The following NDST4 variants were observed in gnomAD, a reference collection of about 807,000 sequenced individuals.
NDST4 encodes the protein N-deacetylase and N-sulfotransferase 4, also known as N-heparan sulfate sulfotransferase 4.
In NDST4, 63 loss-of-function variants were observed where a neutral mutation model predicts 100.8. The ratio of observed to expected loss-of-function variants is 0.62; its 90% CI spans 0.51 to 0.77. NDST4 has a LOEUF of 0.77. Ranked by LOEUF, NDST4 falls within the 30% of genes least tolerant of loss-of-function variation. The pLI, the probability that NDST4 is intolerant of heterozygous loss-of-function variation, is 0.00. For missense variants in NDST4, 943 were observed against 1,018.4 expected (o/e 0.93, Z 1.01); for synonymous variants, 377 against 361.8 (o/e 1.04, Z -0.48).
intron 4 of NDST4, among the ~76,000 whole-genome samples, chr4:114,941,629 GT>G (rs756138347): frequency 2.9e-4 from 44 of 152,166 alleles, no homozygotes; most frequent in African/African-American, 1.0e-3. Context: ...AAATAAGCAA[GT>G]TTTTTTCTAG....
intron 2 of NDST4, among the ~76,000 whole-genome samples, chr4:114,991,721 T>G (rs1195895354): frequency 2.0e-5 from 3 of 152,014 alleles, no homozygotes; most frequent in Non-Finnish European, 4.4e-5. Context: ...ATTAACAGAC[T>G]TAGGCACAAA....
chr4:114,896,046 C>A (rs1724706724), intron 6 of NDST4, among the ~76,000 whole-genome samples: 1 of 152,040 alleles, frequency 6.6e-6, no homozygotes, highest in Non-Finnish European at 1.5e-5. Context: ...GAATGTGATT[C>A]TAATACAAAA....
rs1578504851 is a variant in NDST4, at chr4:115,077,173, G to A, written c.-137C>T. ...CGCAAATCATGTAAAATGTTTGAAG[G>A]GAGCACAACTGAGTTAAAGCTGGAA... is the stretch of plus-strand genomic sequence containing the variant. On this transcript the variant is annotated 5_prime_UTR_variant, in exon 2 of 14. Transcript: ENST00000264363. 2.4e-6 allele frequency: 2 copies of A among 818,824 alleles called. No homozygotes were observed. The highest frequency in any genetic ancestry group is 5.4e-5 in the East Asian group (2 of 36,868). The allele number at this position is 818,824 out of a possible 1,614,324, so 50.7% of individuals were successfully genotyped here.
intron 6 of NDST4, among the ~76,000 whole-genome samples, chr4:114,929,109 CATCCATCTATCT>C (rs1291648414): frequency 0.045 from 4,806 of 107,982 alleles, 80 homozygotes; most frequent in Non-Finnish European, 0.06. Context: ...TCCATCCATC[CATCCATCTATCT>C]ATCTATCTAT....
At chr4:115,079,928 A>G (rs1729266586) in intron 1 of NDST4, among the ~76,000 whole-genome samples, 1 of 152,130 alleles carries the variant, frequency 6.6e-6, no homozygotes, top group South Asian at 2.1e-4. Context: ...TAACTTTTAA[A>G]CTTTTTCAAA....
chr4:115,106,482 A>C (rs1382858950), intron 1 of NDST4, among the ~76,000 whole-genome samples: 1 of 152,074 alleles, frequency 6.6e-6, no homozygotes, highest in African/African-American at 2.4e-5. Flanking sequence ...CCCTGTATAA[A>C]ATCGCATAGT....
At chr4:114,973,072 C>T (rs1289802730) in intron 3 of NDST4, among the ~76,000 whole-genome samples, 2 of 151,932 alleles carry the variant, frequency 1.3e-5, no homozygotes, top group Non-Finnish European at 2.9e-5. Flanking sequence ...ACACTGGAAA[C>T]AGCTTAATAA....
At chr4:115,041,291 A>G (rs1728346872) in intron 2 of NDST4, among the ~76,000 whole-genome samples, 1 of 152,102 alleles carries the variant, frequency 6.6e-6, no homozygotes, top group East Asian at 1.9e-4. Context: ...GAAAATACAG[A>G]GCATGTTAAA....
intron 12 of NDST4, among the ~76,000 whole-genome samples, 197 bp downstream of exon 12, chr4:114,833,409 T>C (rs947267615): frequency 6.6e-6 from 1 of 152,202 alleles, no homozygotes; most frequent in African/African-American, 2.4e-5. Flanking sequence ...ATATAACATA[T>C]ACTTTACAAA....
chr4:114,952,789 A>G (rs1726045679), intron 4 of NDST4, among the ~76,000 whole-genome samples: 1 of 152,056 alleles, frequency 6.6e-6, no homozygotes, highest in Non-Finnish European at 1.5e-5. Context: ...GAAATAGAAA[A>G]TATGTTTTCT....
chr4:114,911,831 G>C (rs1300559916), intron 6 of NDST4, among the ~76,000 whole-genome samples: 1 of 152,058 alleles, frequency 6.6e-6, no homozygotes, highest in Non-Finnish European at 1.5e-5. Context: ...ATTAAGAATT[G>C]TTTTTATAGC....
At chr4:114,995,216 T>A (rs149082756) in intron 2 of NDST4, among the ~76,000 whole-genome samples, 567 of 152,124 alleles carry the variant, frequency 3.7e-3, no homozygotes, top group Non-Finnish European at 5.7e-3. Flanking sequence ...AGAACTGTCT[T>A]ACTACTGTTA....
At chr4:114,943,242 C>G (rs573159660) in intron 4 of NDST4, among the ~76,000 whole-genome samples, 1 of 151,256 alleles carries the variant, frequency 6.6e-6, no homozygotes, top group South Asian at 2.1e-4. Context: ...ATTCATATAC[C>G]TAAATATACA....
At chr4:115,108,674 A>G (rs780368969) in intron 1 of NDST4, among the ~76,000 whole-genome samples, 2 of 152,014 alleles carry the variant, frequency 1.3e-5, no homozygotes, top group Non-Finnish European at 2.9e-5. Flanking sequence ...TAAATAATTT[A>G]GTAAATTAAA....
At chr4:114,958,128 C>T (rs1726179723) in intron 4 of NDST4, among the ~76,000 whole-genome samples, 1 of 152,236 alleles carries the variant, frequency 6.6e-6, no homozygotes, top group Non-Finnish European at 1.5e-5. Flanking sequence ...TCACATTTCC[C>T]TTCCTCACTG....
chr4:115,047,402 G>A (rs1430360130), intron 2 of NDST4, among the ~76,000 whole-genome samples: 1 of 151,944 alleles, frequency 6.6e-6, no homozygotes, highest in African/African-American at 2.4e-5. Context: ...AATACCATGG[G>A]TTTTAGCATA....
intron 2 of NDST4, among the ~76,000 whole-genome samples, chr4:114,997,772 T>G (rs933442993): frequency 5.3e-5 from 8 of 152,100 alleles, no homozygotes; most frequent in Admixed American, 4.6e-4. Flanking sequence ...GCTTGCTCTA[T>G]ACACTCAGAG....
chr4:115,078,486 C>A lies in NDST4; in HGVS notation c.-246-1204G>T, dbSNP rs574175552. ...GGAGAAAAGGTCATTTTTTGTTATG[C>A]CTTAGCGAACAACTATGCTACATTG... On this transcript the variant is annotated intron_variant, in intron 1 of 13. Coordinates refer to ENST00000264363, the MANE Select transcript of NDST4 (RefSeq NM_022569.3). Among the ~76,000 whole-genome samples, 32 of 152,076 alleles carry A rather than the reference C, an allele frequency of 2.1e-4. 2 individuals are homozygous for A. Among genetic ancestry groups the A allele is most frequent in the African/African-American group, 6.0e-4 (25 of 41,486 alleles).
At chr4:114,967,961 C>G (rs998146820) in intron 4 of NDST4, among the ~76,000 whole-genome samples, 1 of 152,146 alleles carries the variant, frequency 6.6e-6, no homozygotes, top group African/African-American at 2.4e-5. Flanking sequence ...ACCATTATCT[C>G]AGTTTTATAA....
Sources: gnomAD v4.1 joint callset for allele counts (sites outside exome capture counted in the v4.1 genomes callset) on GRCh38, gnomAD v4.1.1 for gene constraint, MANE v1.5 for transcripts, NCBI Gene and HGNC (gene_info 2026-07-23, HGNC 2026-07-21) for gene names.